Variants in ELAPOR1 observed in about 807,000 individuals in gnomAD.
ELAPOR1 encodes endosome-lysosome associated apoptosis and autophagy regulator 1.
A neutral mutation model predicts 119.7 loss-of-function variants in ELAPOR1; 77 were observed. The observed-to-expected ratio is 0.64, with a 90% CI of 0.54 to 0.78. ELAPOR1 has a LOEUF of 0.78. Among genes scored for constraint, ELAPOR1 ranks in the 30% least tolerant of loss-of-function variants. The pLI is 0.00. For synonymous variants in ELAPOR1, 481 were observed against 487.2 expected, an observed-to-expected ratio of 0.99 and a Z score of 0.17; for missense variants, 1,115 against 1,270.4, an observed-to-expected ratio of 0.88 and a Z score of 1.86.
At chr1:109,158,575 T>C (rs757214141) in intron 1 of ELAPOR1, among the ~76,000 whole-genome samples, 1 of 152,264 alleles carries the variant, frequency 6.6e-6, no homozygotes, top group Admixed American at 6.5e-5. Context: ...AACCCTTCCT[T>C]TGTTTTTCTG....
chr1:109,195,687 G>A (rs979667289), intron 15 of ELAPOR1, among the ~76,000 whole-genome samples: 1 of 152,188 alleles, frequency 6.6e-6, no homozygotes, highest in Non-Finnish European at 1.5e-5. Context: ...CTGACAGTAT[G>A]AAAGAAAGTA....
rs575479730 is a variant in ELAPOR1, at chr1:109,167,975, C to T, written c.467+3284C>T. Among the ~76,000 whole-genome samples, 3 of 152,262 alleles carry T rather than the reference C, an allele frequency of 2.0e-5. No individual in the cohort carries two copies. In the South Asian group the frequency reaches 6.2e-4, roughly 32 times the overall value. On this transcript the variant is annotated intron_variant, in intron 3 of 21. Transcript: ENST00000369939. ...CCCTAGATTCAATGGCTACCAATTG[C>T]TCTTGGGATAAAGTCCACTACCTTC...
At position 109,129,153 on chromosome 1, in the gene ELAPOR1, C is replaced by T. The variant is rs941062182; in HGVS notation, c.153+14817C>T. Among the ~76,000 whole-genome samples, 16 of 152,056 alleles carry T rather than the reference C, an allele frequency of 1.1e-4. 1 individual carries two copies. The East Asian group carries it at 2.1e-3, about 20-fold the overall frequency. ...TAATCCTCTGAAATTTAAAATAAAC[C>T]CCTCATTAAGTATTTATTAAACATA... On this transcript the variant is annotated intron_variant, in intron 1 of 21. Transcript: ENST00000369939.
At position 109,114,343 on chromosome 1, in the gene ELAPOR1, C is replaced by T. The variant is rs1409266105; in HGVS notation, c.153+7C>T. On this transcript the variant is annotated splice_region_variant and intron_variant, in intron 1 of 21. Coordinates refer to ENST00000369939, the MANE Select transcript of ELAPOR1 (RefSeq NM_020775.5). ...GCTTCATGCCTGCAAAGAGGTACTG[C>T]CGCCCCCCTACCCGATCCCGCTTTG... is the stretch of plus-strand genomic sequence containing the variant. 23 of 1,576,914 alleles carry T rather than the reference C, an allele frequency of 1.5e-5. No homozygotes were observed. The highest frequency in any genetic ancestry group is 1.9e-5 in the Non-Finnish European group (22 of 1,161,402).
At chr1:109,133,397 A>G (rs981054396) in intron 1 of ELAPOR1, among the ~76,000 whole-genome samples, 9 of 152,024 alleles carry the variant, frequency 5.9e-5, no homozygotes, top group African/African-American at 1.9e-4. Flanking sequence ...ACAGCCCATG[A>G]AAAAAAACAT....
chr1:109,189,004 C>G (rs1653246735), intron 9 of ELAPOR1, 62 bp from the exon 10 acceptor site: 1 of 1,591,304 alleles, frequency 6.3e-7, no homozygotes, highest in African/African-American at 1.3e-5. Flanking sequence ...GTGGCAGCAG[C>G]TCCAGTCAGA....
intron 2 of ELAPOR1, among the ~76,000 whole-genome samples, chr1:109,163,725 AC>A (rs766648715): frequency 6.6e-6 from 1 of 152,118 alleles, no homozygotes; most frequent in Non-Finnish European, 1.5e-5. Context: ...GGTACCTCTG[AC>A]CACAGAATGA....
At chr1:109,196,330 T>C (rs2101128566) in intron 15 of ELAPOR1, among the ~76,000 whole-genome samples, 1 of 152,316 alleles carries the variant, frequency 6.6e-6, no homozygotes, top group East Asian at 1.9e-4. Context: ...AGATTAGAGA[T>C]AGGTGTCTCT....
chr1:109,190,876 G>A (rs1653390042), intron 11 of ELAPOR1, among the ~76,000 whole-genome samples: 1 of 152,108 alleles, frequency 6.6e-6, no homozygotes, highest in African/African-American at 2.4e-5. Context: ...GACAGCTGCT[G>A]AGTAAATGTC....
intron 13 of ELAPOR1, 65 bp downstream of exon 13, chr1:109,191,928 T>C: frequency 6.4e-7 from 1 of 1,570,702 alleles, no homozygotes; most frequent in Non-Finnish European, 8.7e-7. Context: ...ACTCCTAGCA[T>C]TAGCTTAAGT....
chr1:109,140,244 T>C (rs1270739842), intron 1 of ELAPOR1, among the ~76,000 whole-genome samples: 1 of 152,218 alleles, frequency 6.6e-6, no homozygotes, highest in Non-Finnish European at 1.5e-5. Flanking sequence ...TGGCTCTCTA[T>C]ATGCCAGGAT....
At chr1:109,180,462 C>T (rs1652623977) in intron 7 of ELAPOR1, among the ~76,000 whole-genome samples, 1 of 151,494 alleles carries the variant, frequency 6.6e-6, no homozygotes, top group Non-Finnish European at 1.5e-5. Context: ...GCCATGATTG[C>T]TCCATTGCAC....
chr1:109,175,165 C>T lies in ELAPOR1; in HGVS notation c.952+1328C>T, dbSNP rs575627337. Among the ~76,000 whole-genome samples, 8 of 151,792 alleles carry T rather than the reference C, an allele frequency of 5.3e-5. No individual in the cohort carries two copies. The East Asian group carries it at 1.6e-3, about 30-fold the overall frequency. On this transcript the variant is annotated intron_variant, in intron 7 of 21. Transcript: ENST00000369939. ...CATGAGACACTGTGCCCAGTCCAGT[C>T]ATTTTTTTTAAGTGGTGAATTTTTA... is the stretch of plus-strand genomic sequence containing the variant.
chr1:109,161,748 AT>A, intron 1 of ELAPOR1, 145 bp from the exon 2 acceptor site: 1 of 876,798 alleles, frequency 1.1e-6, no homozygotes, highest in Non-Finnish European at 1.8e-6. Context: ...TACTCGGTTC[AT>A]AATCATCAGC....
chr1:109,160,624 T>G (rs1239377821), intron 1 of ELAPOR1, among the ~76,000 whole-genome samples: 1 of 152,236 alleles, frequency 6.6e-6, no homozygotes, highest in Admixed American at 6.5e-5. Flanking sequence ...ATTTTTTGTC[T>G]TAGCTCCTTG....
At chr1:109,115,210 A>G (rs1647909304) in intron 1 of ELAPOR1, among the ~76,000 whole-genome samples, 1 of 152,220 alleles carries the variant, frequency 6.6e-6, no homozygotes, top group African/African-American at 2.4e-5. Flanking sequence ...AAATAACAAT[A>G]TTTGGTTGTG....
intron 1 of ELAPOR1, among the ~76,000 whole-genome samples, chr1:109,137,559 C>T (rs1649556160): frequency 6.7e-6 from 1 of 148,684 alleles, no homozygotes; most frequent in African/African-American, 2.5e-5. Context: ...CGGAGTTTCG[C>T]TCTTGTTGCC....
intron 1 of ELAPOR1, among the ~76,000 whole-genome samples, chr1:109,120,149 G>A (rs1648300904): frequency 1.3e-5 from 2 of 152,174 alleles, no homozygotes; most frequent in Admixed American, 6.6e-5. Context: ...TGTAATCCCA[G>A]CATTTTGGGA....
intron 8 of ELAPOR1, 122 bp from the exon 9 acceptor site, chr1:109,188,055 C>T (rs909024552): frequency 6.9e-7 from 1 of 1,453,348 alleles, no homozygotes; most frequent in African/African-American, 1.4e-5. Flanking sequence ...TTCCCCACCC[C>T]AGAGGAGCTC....
Sources: allele counts gnomAD v4.1 joint callset (sites outside exome capture counted in the v4.1 genomes callset), GRCh38; gene constraint gnomAD v4.1.1; transcripts MANE v1.5; gene names NCBI Gene and HGNC (gene_info 2026-07-23, HGNC 2026-07-21).